Variants in KCNAB1 observed in about 807,000 individuals in gnomAD.
KCNAB1 encodes voltage-gated potassium channel subunit beta-1.
Under a neutral mutation model 64.6 loss-of-function variants are expected in KCNAB1, and 35 were observed. That is an observed-to-expected ratio of 0.54 (90% CI 0.41 to 0.72). The LOEUF (loss-of-function observed/expected upper bound fraction) is 0.72. Among genes scored for constraint, KCNAB1 ranks in the 30% least tolerant of loss-of-function variants. KCNAB1 has a pLI of 0.00. For synonymous variants in KCNAB1, 177 were observed against 183.8 expected (o/e 0.96, Z 0.30); for missense variants, 401 against 512.9 (o/e 0.78, Z 2.11).
chr3:156,154,363 G>A (rs1420238393), intron 1 of KCNAB1, among the ~76,000 whole-genome samples: 1 of 152,038 alleles, frequency 6.6e-6, no homozygotes, highest in Non-Finnish European at 1.5e-5. Flanking sequence ...TCCTCTTTAA[G>A]TTTACTCTTT....
intron 1 of KCNAB1, among the ~76,000 whole-genome samples, chr3:156,229,565 C>T (rs537689261): frequency 3.9e-5 from 6 of 152,324 alleles, no homozygotes; most frequent in South Asian, 2.1e-4. Context: ...AACACTTATT[C>T]ATCCTGAAGT....
At chr3:156,290,194 A>T (rs1203707101) in intron 1 of KCNAB1, among the ~76,000 whole-genome samples, 1 of 152,148 alleles carries the variant, frequency 6.6e-6, no homozygotes, top group African/African-American at 2.4e-5. Flanking sequence ...GCCTTCCAAC[A>T]TTGTTAGTCA....
At chr3:156,524,746 C>CAAAAAAAAAAAAA (rs10553136) in intron 12 of KCNAB1, among the ~76,000 whole-genome samples, 2 of 74,436 alleles carry the variant, frequency 2.7e-5, no homozygotes, top group African/African-American at 5.8e-5. Flanking sequence ...GACTCCATCT[C>CAAAAAAAAAAAAA]AAAAAAAAAA....
At chr3:156,246,634 CAAA>C (rs11293726) in intron 1 of KCNAB1, among the ~76,000 whole-genome samples, 5 of 125,978 alleles carry the variant, frequency 4.0e-5, no homozygotes, top group Admixed American at 8.1e-5. Context: ...AAAAAAGCAG[CAAA>C]AAAAAAAAAA....
intron 1 of KCNAB1, among the ~76,000 whole-genome samples, chr3:156,226,594 A>C (rs140093600): frequency 4.7e-4 from 71 of 152,346 alleles, no homozygotes; most frequent in Non-Finnish European, 7.5e-4. Flanking sequence ...CCTGCACAGC[A>C]AAAGAAATAA....
intron 1 of KCNAB1, among the ~76,000 whole-genome samples, chr3:156,139,595 T>G (rs1181840333): frequency 1.4e-5 from 2 of 146,042 alleles, no homozygotes; most frequent in African/African-American, 5.1e-5. Flanking sequence ...TTTTTTTTTT[T>G]TTTTTTTTTT....
rs183138383 is a variant in KCNAB1, at chr3:156,211,499, A to G, written c.275+90613A>G. On this transcript the variant is annotated intron_variant, in intron 1 of 13. Transcript: ENST00000490337. The stretch of plus-strand genomic sequence containing the variant: ...CCTTTCAGCCCTAATATAATTGACT[A>G]AATTCTAAAATCAATCTCTCAGCTT... Among the ~76,000 whole-genome samples the G allele has an allele frequency of 1.3e-3, 202 of 152,326 alleles. No homozygotes were observed. The South Asian group carries it at 0.017, about 12-fold the overall frequency.
At position 156,237,366 on chromosome 3, in the gene KCNAB1, G is replaced by A. The variant is rs146883401; in HGVS notation, c.275+116480G>A. Among the ~76,000 whole-genome samples, 34 of 151,842 alleles carry A rather than the reference G, an allele frequency of 2.2e-4. No homozygotes were observed. The East Asian group carries it at 2.9e-3, about 13-fold the overall frequency. ...AAACAGGGTTTTTCAGAATAGTTGC[G>A]TTTTAATTACATCAGTAGCTTAATG... is the stretch of plus-strand genomic sequence containing the variant. On this transcript the variant is annotated intron_variant, in intron 1 of 13. Coordinates refer to ENST00000490337, the MANE Select transcript of KCNAB1 (RefSeq NM_172160.3).
intron 1 of KCNAB1, among the ~76,000 whole-genome samples, chr3:156,354,837 A>G (rs115245535): frequency 0.013 from 2,034 of 152,290 alleles, 17 homozygotes; most frequent in South Asian, 0.031. Context: ...ACAACTTGCA[A>G]TGTATCTGGT....
intron 1 of KCNAB1, among the ~76,000 whole-genome samples, chr3:156,257,089 A>T (rs1718141404): frequency 6.6e-6 from 1 of 152,160 alleles, no homozygotes; most frequent in Non-Finnish European, 1.5e-5. Context: ...GGACATTCCC[A>T]TTATACCTTG....
At chr3:156,293,961 G>T (rs961829731) in intron 1 of KCNAB1, among the ~76,000 whole-genome samples, 1 of 152,238 alleles carries the variant, frequency 6.6e-6, no homozygotes, top group Admixed American at 6.5e-5. Context: ...GGTTTAAATT[G>T]TGGCCTCTAG....
chr3:156,289,077 T>C (rs1720250431), intron 1 of KCNAB1, among the ~76,000 whole-genome samples: 1 of 152,236 alleles, frequency 6.6e-6, no homozygotes, highest in Non-Finnish European at 1.5e-5. Flanking sequence ...CTTGCATGTT[T>C]CATTCTAATA....
intron 8 of KCNAB1, among the ~76,000 whole-genome samples, chr3:156,507,757 A>T (rs1010998099): frequency 1.3e-5 from 2 of 152,016 alleles, no homozygotes; most frequent in Non-Finnish European, 1.5e-5. Flanking sequence ...GTTAACAGCA[A>T]CTCCTCTGAT....
intron 2 of KCNAB1, among the ~76,000 whole-genome samples, chr3:156,439,294 T>A (rs1428140716): frequency 1.4e-5 from 2 of 147,470 alleles, no homozygotes; most frequent in Admixed American, 1.4e-4. Flanking sequence ...ATTTTAGAGA[T>A]AAACAAGTCT....
intron 1 of KCNAB1, among the ~76,000 whole-genome samples, chr3:156,132,915 A>C (rs1714085444): frequency 6.6e-6 from 1 of 152,224 alleles, no homozygotes; most frequent in African/African-American, 2.4e-5. Context: ...CACTATCCTC[A>C]GTCAAGGTAT....
chr3:156,360,491 C>T (rs1347487768), intron 1 of KCNAB1, among the ~76,000 whole-genome samples: 1 of 152,142 alleles, frequency 6.6e-6, no homozygotes, highest in Admixed American at 6.5e-5. Context: ...GGGAGGATCG[C>T]TTGAGGCCAG....
chr3:156,437,285 C>T (rs1716650453), intron 2 of KCNAB1, among the ~76,000 whole-genome samples: 1 of 151,474 alleles, frequency 6.6e-6, no homozygotes, highest in Admixed American at 6.6e-5. Context: ...ACTGTGAAAT[C>T]GAAAATCTAA....
At chr3:156,298,271 G>T (rs1422861220) in intron 1 of KCNAB1, among the ~76,000 whole-genome samples, 1 of 151,940 alleles carries the variant, frequency 6.6e-6, no homozygotes, top group Non-Finnish European at 1.5e-5. Context: ...GGGCTGTGGG[G>T]CTGTGTATGT....
rs1306362539 is a variant in KCNAB1, at chr3:156,457,656, C to G, written c.437+124C>G. On this transcript the variant is annotated intron_variant, in intron 4 of 13. Coordinates refer to ENST00000490337, the MANE Select transcript of KCNAB1 (RefSeq NM_172160.3). ...TTCTCCACGTGTTGGCAGCTCTGCT[C>G]TGTTCTGCCCTCTACCACCATTACT... is the stretch of plus-strand genomic sequence containing the variant. The G allele has an allele frequency of 8.9e-6, 7 of 784,282 alleles. No homozygotes were observed. In the Admixed American group the frequency reaches 1.4e-4, roughly 16 times the overall value. 48.6% of individuals were successfully genotyped at this position (784,282 alleles called of 1,614,324 possible).
Sources: allele counts gnomAD v4.1 joint callset (sites outside exome capture counted in the v4.1 genomes callset), GRCh38; gene constraint gnomAD v4.1.1; transcripts MANE v1.5; gene names NCBI Gene and HGNC (gene_info 2026-07-23, HGNC 2026-07-21).